The following ERAS variants were observed in gnomAD, a reference collection of about 807,000 sequenced individuals.
The protein encoded by ERAS is GTPase ERas.
For synonymous variants in ERAS, 87 were observed against 89.1 expected (o/e 0.98, Z 0.13); for missense variants, 137 against 199.2 (o/e 0.69, Z 1.88).
rs150963546 is a variant in ERAS, at chrX:48,828,021, C to CTT, written c.-43-1040_-43-1039dup. ...TCACCCGCTACTGACATATAGTTCACTTTTTTTTTTTTTTTTTTTTTGAGA... is the reference window on the plus strand; with the variant it reads ...TCACCCGCTACTGACATATAGTTCACTTTTTTTTTTTTTTTTTTTTTTTGAGA... On this transcript the variant is annotated intron_variant, in intron 1 of 1. Transcript: ENST00000636362. 2.1e-3 allele frequency among the ~76,000 whole-genome samples: 191 copies of CTT among 89,802 alleles called. 3 individuals are homozygous for CTT. Among genetic ancestry groups the CTT allele is most frequent in the East Asian group, 9.6e-3 (27 of 2,804 alleles). 78.0% of individuals were successfully genotyped at this position (89,802 alleles called of 115,157 possible).
chrX:48,829,059 C>A, intron 1 of ERAS, 22 bp from the exon 2 acceptor site: 3 of 990,114 alleles, frequency 3.0e-6, no homozygotes, highest in Non-Finnish European at 4.0e-6. Flanking sequence ...TGTTGTCTTG[C>A]TTCTTCTCTT....
rs369226473 is a variant in ERAS, at chrX:48,829,333, C to T, written c.210C>T (p.His70=). 1.3e-5 allele frequency: 16 copies of T among 1,211,293 alleles called. No homozygotes were observed. The Admixed American group carries it at 1.7e-4, about 13-fold the overall frequency. The change falls in exon 2 of 2, where the codon CAC becomes CAT. Residue 70 remains histidine, a synonymous_variant. Coordinates refer to ENST00000636362, the MANE Select transcript of ERAS (RefSeq NM_181532.3). ...QLNHQCFVED[H]DPTIQDSYWK... ...ACCACCAGTGCTTCGTGGAGGACCA[C>T]GACCCCACCATCCAGGATTCCTACT...
intron 1 of ERAS, among the ~76,000 whole-genome samples, 177 bp downstream of exon 1, chrX:48,826,726 A>G (rs1431464915): frequency 9.0e-6 from 1 of 111,411 alleles, no homozygotes; most frequent in Non-Finnish European, 1.9e-5. Flanking sequence ...CGGAGTCGGG[A>G]TGGGTCTTGA....
In ERAS at chrX:48,829,489, C is replaced by A; in HGVS notation, c.366C>A (p.Leu122=). The change falls in exon 2 of 2, where the codon CTC becomes CTA. Residue 122 remains leucine (L), a synonymous_variant. Transcript: ENST00000636362. Reference sequence around the variant, plus strand: ...ATGGTGTGCTGGGCGTCTTCGCTCTCGATGACCCCTCGTCTCTGATCCAGC... The same window carrying A: ...ATGGTGTGCTGGGCGTCTTCGCTCTAGATGACCCCTCGTCTCTGATCCAGC... ...VCDGVLGVFA[L]DDPSSLIQLQ... The A allele has an allele frequency of 8.2e-7, 1 of 1,212,151 alleles. No homozygotes were observed.
chrX:48,828,021 CTTTT>C (rs150963546), intron 1 of ERAS, among the ~76,000 whole-genome samples: 4 of 89,874 alleles, frequency 4.5e-5, no homozygotes, highest in East Asian at 3.5e-4. Flanking sequence ...ATATAGTTCA[CTTTT>C]TTTTTTTTTT....
chrX:48,826,684 C>T (rs2063159703), intron 1 of ERAS, 135 bp downstream of exon 1: 1 of 112,079 alleles, frequency 8.9e-6, no homozygotes, highest in African/African-American at 3.2e-5. Context: ...GGAGGGGTGT[C>T]GGCGCTTGGC....
intron 1 of ERAS, 124 bp from the exon 2 acceptor site, chrX:48,828,957 G>A: frequency 2.7e-6 from 1 of 369,972 alleles, no homozygotes; most frequent in Non-Finnish European, 4.6e-6. Context: ...AAATTGGAAG[G>A]TGATCAGCAC....
In ERAS at chrX:48,829,535, TG is replaced by T; in HGVS notation, c.416del (p.Gly139AlafsTer18). ...CCAGCTGCAGCAGATATGGGCCACC[TG>T]GGGCCCTCACCCCGCCCAGCCCCTT... Reference protein sequence around the residue: ...LIQLQQIWATWGPHPAQPLVL... With the variant: ...LIQLQQIWATXGPHPAQPLVL... On this transcript the variant is annotated frameshift_variant, in exon 2 of 2. Coordinates refer to ENST00000636362, the MANE Select transcript of ERAS (RefSeq NM_181532.3). LOFTEE classifies it low-confidence loss of function (END_TRUNC). 2 of 1,212,204 alleles carry T rather than the reference TG, an allele frequency of 1.6e-6. No individual in the cohort carries two copies. Among genetic ancestry groups the T allele is most frequent in the Non-Finnish European group, 2.2e-6 (2 of 895,503 alleles).
In ERAS at chrX:48,829,062, C is replaced by T; in HGVS notation, c.-43-19C>T. The T allele has an allele frequency of 9.9e-7, 1 of 1,007,702 alleles. No homozygotes were observed. Among genetic ancestry groups the T allele is most frequent in the African/African-American group, 1.9e-5 (1 of 51,925 alleles). The allele number at this position is 1,007,702 out of a possible 1,213,427, so 83.0% of individuals were successfully genotyped here. On this transcript the variant is annotated intron_variant, in intron 1 of 1. Coordinates refer to ENST00000636362, the MANE Select transcript of ERAS (RefSeq NM_181532.3). ...TAACGTATCCCCTGTTGTCTTGCTT[C>T]TTCTCTTCCCACTTGCAGAGCCTGC...
Position 48,829,161 on chromosome X carries a change from G to A in ERAS, c.38G>A (p.Gly13Asp), listed in dbSNP as rs2063166023. The change falls in exon 2 of 2, where the codon GGC (glycine) becomes GAC (aspartate). Residue 13 changes from glycine to aspartate, a missense_variant. Transcript: ENST00000636362. ...ACAAAGCCTGGCACCTTCGACCTGG[G>A]CCTGGCCACATGGAGCCCTTCCTTC... ...LPTKPGTFDL[G>D]LATWSPSFQG... 1 of 1,128,015 alleles carries A rather than the reference G, an allele frequency of 8.9e-7. No individual in the cohort carries two copies. The highest frequency in any genetic ancestry group is 1.8e-5 in the African/African-American group (1 of 54,921). 93.0% of individuals were successfully genotyped at this position (1,128,015 alleles called of 1,213,427 possible).
At position 48,829,154 on chromosome X, in the gene ERAS, G is replaced by T. The variant is rs1557032958; in HGVS notation, c.31G>T (p.Asp11Tyr). 2.7e-6 allele frequency: 3 copies of T among 1,114,218 alleles called. No individual in the cohort carries two copies. The highest frequency in any genetic ancestry group is 2.4e-6 in the Non-Finnish European group (2 of 848,184). 91.8% of individuals were successfully genotyped at this position (1,114,218 alleles called of 1,213,427 possible). A position where few individuals can be genotyped will look rare whatever the true frequency, so the allele number is the denominator to read the frequency against. MELPTKPGTF[D>Y]LGLATWSPSF... The stretch of plus-strand genomic sequence containing the variant: ...GCTGCCAACAAAGCCTGGCACCTTC[G>T]ACCTGGGCCTGGCCACATGGAGCCC... The change falls in exon 2 of 2, where the codon GAC becomes TAC. Residue 11 changes from aspartate to tyrosine, a missense_variant. Coordinates refer to ENST00000636362, the MANE Select transcript of ERAS (RefSeq NM_181532.3).
At chrX:48,828,902 G>A (rs1382251342) in intron 1 of ERAS, 179 bp from the exon 2 acceptor site, 9 of 294,802 alleles carry the variant, frequency 3.1e-5, no homozygotes, top group East Asian at 2.0e-4. Flanking sequence ...ATGGGGGGAC[G>A]TGGGACAGGG....
intron 1 of ERAS, among the ~76,000 whole-genome samples, chrX:48,827,343 G>C (rs1415721117): frequency 3.6e-5 from 4 of 110,655 alleles, no homozygotes; most frequent in African/African-American, 1.3e-4. Context: ...CCCAGAAGCC[G>C]ACCTCTCCCT....
intron 1 of ERAS, among the ~76,000 whole-genome samples, chrX:48,828,469 T>TAA (rs1373012783): frequency 8.9e-6 from 1 of 112,588 alleles, no homozygotes; most frequent in East Asian, 2.7e-4. Context: ...GAATAATTAA[T>TAA]AAAGACTACA....
chrX:48,828,495 C>A (rs782780050), intron 1 of ERAS, among the ~76,000 whole-genome samples: 1 of 112,302 alleles, frequency 8.9e-6, no homozygotes, highest in Non-Finnish European at 1.9e-5. Context: ...ATGATAATGG[C>A]TAACAGACCA....
chrX:48,829,119 G>A lies in ERAS; in HGVS notation c.-5G>A. ...CGTCTCTTCCCTGAGCTGCCTGCTG[G>A]GGTCATGGAGCTGCCAACAAAGCCT... is the stretch of plus-strand genomic sequence containing the variant. On this transcript the variant is annotated 5_prime_UTR_variant, in exon 2 of 2. Transcript: ENST00000636362. 1 of 1,096,480 alleles carries A rather than the reference G, an allele frequency of 9.1e-7. No homozygotes were observed. Among genetic ancestry groups the A allele is most frequent in the African/African-American group, 1.9e-5 (1 of 53,685 alleles). The allele number at this position is 1,096,480 out of a possible 1,213,427, so 90.4% of individuals were successfully genotyped here.
intron 1 of ERAS, among the ~76,000 whole-genome samples, chrX:48,827,050 G>A (rs1317632931): frequency 2.7e-5 from 3 of 112,271 alleles, no homozygotes; most frequent in East Asian, 2.9e-4. Context: ...CAGTGCCCTC[G>A]GCACGTGCCT....
In ERAS at chrX:48,829,709, G is replaced by A. The variant is rs782623242; in HGVS notation, c.586G>A (p.Val196Ile). 92 of 1,205,644 alleles carry A rather than the reference G, an allele frequency of 7.6e-5. No individual in the cohort carries two copies. Among genetic ancestry groups the A allele is most frequent in the Non-Finnish European group, 9.6e-5 (86 of 892,717 alleles). ...CGTGGAGGAGGCCTTTTCCCTGCTGGTCCATGAGATCCAGAGGGTCCAGGA... is the reference window on the plus strand; with the variant it reads ...CGTGGAGGAGGCCTTTTCCCTGCTGATCCATGAGATCCAGAGGGTCCAGGA... ...QGVEEAFSLL[V>I]HEIQRVQEAM... Residue 196 changes from valine (V) to isoleucine (I), a missense_variant, in exon 2 of 2, where the codon GTC becomes ATC. Val to Ile is a conservative substitution (Grantham distance 29). Coordinates refer to ENST00000636362, the MANE Select transcript of ERAS (RefSeq NM_181532.3).
At chrX:48,829,035 C>A in intron 1 of ERAS, 46 bp from the exon 2 acceptor site, 1 of 820,007 alleles carries the variant, frequency 1.2e-6, no homozygotes. Context: ...AATGGTCTCC[C>A]CTAACGTATC....
Sources: gnomAD v4.1 joint callset for allele counts (sites outside exome capture counted in the v4.1 genomes callset) on GRCh38, gnomAD v4.1.1 for gene constraint, MANE v1.5 for transcripts, NCBI Gene and HGNC (gene_info 2026-07-23, HGNC 2026-07-21) for gene names.